DPP10: variants seen among roughly 807,000 people sequenced by gnomAD.
DPP10 encodes inactive dipeptidyl peptidase 10.
A neutral mutation model predicts 120.9 loss-of-function variants in DPP10; 33 were observed. The observed-to-expected ratio is 0.27, with a 90% CI of 0.21 to 0.37. The LOEUF (loss-of-function observed/expected upper bound fraction) is 0.37. Among genes scored for constraint, DPP10 ranks in the 10% least tolerant of loss-of-function variants. The pLI is 1.00. For synonymous variants in DPP10, 337 were observed against 326.1 expected (o/e 1.03, Z -0.36); for missense variants, 816 against 942.8 (o/e 0.87, Z 1.76).
intron 1 of DPP10, among the ~76,000 whole-genome samples, chr2:114,840,972 A>G (rs900719927): frequency 2.0e-5 from 3 of 152,098 alleles, no homozygotes; most frequent in African/African-American, 7.2e-5. Flanking sequence ...CTTCCCTACC[A>G]GACTGGACCC....
rs959077365 is a variant in DPP10, at chr2:114,634,849, T to C, written c.60+192011T>C. Reference sequence around the variant, plus strand: ...TTTTATTGTTCAGTTGTCACTGAAGTATGTGTTGATCTGATCTATGTTATT... The same window carrying C: ...TTTTATTGTTCAGTTGTCACTGAAGCATGTGTTGATCTGATCTATGTTATT... On this transcript the variant is annotated intron_variant, in intron 1 of 25. Coordinates refer to ENST00000410059, the MANE Select transcript of DPP10 (RefSeq NM_020868.6). Among the ~76,000 whole-genome samples the C allele has an allele frequency of 2.0e-5, 3 of 152,006 alleles. 1 individual carries two copies. The highest frequency in any genetic ancestry group is 7.3e-5 in the African/African-American group (3 of 41,286).
intron 1 of DPP10, among the ~76,000 whole-genome samples, chr2:115,247,998 T>G (rs1273699741): frequency 6.6e-6 from 1 of 152,116 alleles, no homozygotes; most frequent in Non-Finnish European, 1.5e-5. Context: ...CTTTGCTAGT[T>G]TTCTTCTTTC....
chr2:115,466,201 T>G (rs140277142), intron 3 of DPP10, among the ~76,000 whole-genome samples: 56 of 152,322 alleles, frequency 3.7e-4, no homozygotes, highest in Middle Eastern at 6.8e-3. Flanking sequence ...AAATCCTGTC[T>G]CCCTATCTCC....
rs143958235 is a variant in DPP10, at chr2:115,671,080, C to G, written c.442-18607C>G. ...GTCTAAAAAAACACTGGGAGTATAA[C>G]TGTGTTCATGGTTGATATAATTAAT... On this transcript the variant is annotated intron_variant, in intron 5 of 25. Transcript: ENST00000410059. Among the ~76,000 whole-genome samples the G allele has an allele frequency of 5.8e-3, 875 of 152,138 alleles. 31 individuals carry two copies. The highest frequency in any genetic ancestry group is 0.046 in the Admixed American group (703 of 15,280).
At chr2:114,836,707 G>A (rs1687768647) in intron 1 of DPP10, among the ~76,000 whole-genome samples, 1 of 152,128 alleles carries the variant, frequency 6.6e-6, no homozygotes, top group African/African-American at 2.4e-5. Flanking sequence ...AAATGTATTA[G>A]GCGGGAATTT....
chr2:115,231,257 G>A (rs2057720893), intron 1 of DPP10, among the ~76,000 whole-genome samples: 1 of 151,868 alleles, frequency 6.6e-6, no homozygotes, highest in South Asian at 2.1e-4. Context: ...TAACTCATTT[G>A]TTTAAAACAC....
chr2:114,609,236 T>C (rs1693083054), intron 1 of DPP10, among the ~76,000 whole-genome samples: 1 of 152,130 alleles, frequency 6.6e-6, no homozygotes, highest in African/African-American at 2.4e-5. Context: ...GCTTGATCAA[T>C]GGAAGCATAT....
intron 4 of DPP10, among the ~76,000 whole-genome samples, chr2:115,505,793 A>T (rs559621966): frequency 6.6e-6 from 1 of 152,310 alleles, no homozygotes; most frequent in East Asian, 1.9e-4. Context: ...AGAGTTAAGA[A>T]TAATGTATTG....
At chr2:115,221,017 T>C (rs2057126856) in intron 1 of DPP10, among the ~76,000 whole-genome samples, 1 of 152,058 alleles carries the variant, frequency 6.6e-6, no homozygotes, top group Admixed American at 6.6e-5. Context: ...ATTAAAAATA[T>C]TAACTATATC....
chr2:115,064,508 G>A (rs997669365), intron 1 of DPP10: 1 of 356,522 alleles, frequency 2.8e-6, no homozygotes. Flanking sequence ...ACACACATCT[G>A]TTGCCCATCA....
At chr2:115,714,989 A>G (rs1460835685) in intron 7 of DPP10, among the ~76,000 whole-genome samples, 1 of 142,418 alleles carries the variant, frequency 7.0e-6, no homozygotes, top group African/African-American at 2.6e-5. Flanking sequence ...AGATCGCGCC[A>G]CCGCACTCCA....
intron 1 of DPP10, among the ~76,000 whole-genome samples, chr2:114,751,293 T>C (rs548782361): frequency 3.3e-5 from 5 of 152,348 alleles, no homozygotes; most frequent in South Asian, 2.1e-4. Flanking sequence ...ATGCCAAATA[T>C]ATACAAGTGC....
intron 5 of DPP10, among the ~76,000 whole-genome samples, chr2:115,538,510 T>C (rs1205779490): frequency 6.6e-6 from 1 of 152,036 alleles, no homozygotes; most frequent in Non-Finnish European, 1.5e-5. Context: ...AGATAATCTA[T>C]ATAATCAAGA....
At chr2:115,672,208 G>A (rs1354051129) in intron 5 of DPP10, among the ~76,000 whole-genome samples, 1 of 152,050 alleles carries the variant, frequency 6.6e-6, no homozygotes, top group Non-Finnish European at 1.5e-5. Context: ...TGCTTTTGAG[G>A]TGCTCTTGAA....
At chr2:115,076,067 T>C (rs921476619) in intron 1 of DPP10, among the ~76,000 whole-genome samples, 16 of 152,142 alleles carry the variant, frequency 1.1e-4, no homozygotes, top group Admixed American at 3.9e-4. Context: ...AGACATTTCT[T>C]AACCTCCCAA....
At chr2:114,534,754 A>T (rs1362851169) in intron 1 of DPP10, among the ~76,000 whole-genome samples, 1 of 151,998 alleles carries the variant, frequency 6.6e-6, no homozygotes, top group East Asian at 1.9e-4. Flanking sequence ...GGTGCAGCAA[A>T]CATCTTTTAG....
At chr2:115,135,305 C>T (rs2050597881) in intron 1 of DPP10, among the ~76,000 whole-genome samples, 1 of 151,766 alleles carries the variant, frequency 6.6e-6, no homozygotes, top group Non-Finnish European at 1.5e-5. Flanking sequence ...TTCTGCATTG[C>T]TTTTTAACCT....
chr2:115,334,230 G>GTTTTTTGTTTTTTTTTTTTTTTTTTT lies in DPP10; in HGVS notation c.176-9581_176-9580insGTTTTTTTTTTTTTTTTTTTTTTTTT, dbSNP rs2062969426. Among the ~76,000 whole-genome samples the GTTTTTTGTTTTTTTTTTTTTTTTTTT allele has an allele frequency of 5.3e-5, 3 of 56,410 alleles. No homozygotes were observed. The Admixed American group carries it at 7.5e-4, about 14-fold the overall frequency. The allele number at this position is 56,410 out of a possible 152,430, so 37.0% of individuals were successfully genotyped here. A position where few individuals can be genotyped will look rare whatever the true frequency, so the allele number is the denominator to read the frequency against. On this transcript the variant is annotated intron_variant, in intron 2 of 25. Coordinates refer to ENST00000410059, the MANE Select transcript of DPP10 (RefSeq NM_020868.6). ...TCAGGAATGGACCAGAGCAGACTCT[G>GTTTTTTGTTTTTTTTTTTTTTTTTTT]TTTTTTTTTTTTTTTTAAGAAACCT...
intron 1 of DPP10, among the ~76,000 whole-genome samples, chr2:114,587,528 A>G (rs1239136828): frequency 3.3e-5 from 5 of 152,040 alleles, no homozygotes; most frequent in African/African-American, 1.2e-4. Flanking sequence ...CAAGCTGCAG[A>G]CAAAGCAACT....
Sources: gnomAD v4.1 joint callset for allele counts (sites outside exome capture counted in the v4.1 genomes callset) on GRCh38, gnomAD v4.1.1 for gene constraint, MANE v1.5 for transcripts, NCBI Gene and HGNC (gene_info 2026-07-23, HGNC 2026-07-21) for gene names.